TANC2: variants seen among roughly 807,000 people sequenced by gnomAD.
TANC2 encodes tetratricopeptide repeat, ankyrin repeat and coiled-coil containing 2.
In TANC2, 26 loss-of-function variants were observed where a neutral mutation model predicts 210.5. That is an observed-to-expected ratio of 0.12 (90% confidence interval 0.09 to 0.17). The LOEUF (loss-of-function observed/expected upper bound fraction) is 0.17, where lower values mean the gene tolerates loss of function less well. Ranked by LOEUF, TANC2 falls within the 10% of genes least tolerant of loss-of-function variation. The pLI is 1.00. For synonymous variants in TANC2, 931 were observed against 967.1 expected (o/e 0.96, Z 0.69); for missense variants, 2,129 against 2,608.9 (o/e 0.82, Z 4.01).
chr17:62,975,451 A>G (rs1023609121), intron 1 of TANC2, among the ~76,000 whole-genome samples: 3 of 152,160 alleles, frequency 2.0e-5, no homozygotes, highest in Admixed American at 6.5e-5. Context: ...GGCCTATGGA[A>G]TGAAGACTTA....
intron 5 of TANC2, among the ~76,000 whole-genome samples, chr17:63,160,304 C>G (rs2039983192): frequency 6.6e-6 from 1 of 152,270 alleles, no homozygotes; most frequent in East Asian, 1.9e-4. Context: ...CTTTGGGAAG[C>G]TGAGGTAGGA....
At chr17:63,334,934 C>T (rs541382849) in intron 11 of TANC2, among the ~76,000 whole-genome samples, 1 of 152,200 alleles carries the variant, frequency 6.6e-6, no homozygotes, top group African/African-American at 2.4e-5. Flanking sequence ...AGGCACATCA[C>T]ATGGCCAGAG....
chr17:63,044,600 A>G (rs28510567), intron 2 of TANC2, among the ~76,000 whole-genome samples: 81,254 of 151,858 alleles, frequency 0.54, 23,255 homozygotes, highest in African/African-American at 0.73. Flanking sequence ...TTTTCTAGGA[A>G]CTATACCTAG....
chr17:63,333,598 A>G lies in TANC2; in HGVS notation c.1576-6503A>G, dbSNP rs568339048. Among the ~76,000 whole-genome samples, 3 of 152,374 alleles carry G rather than the reference A, an allele frequency of 2.0e-5. No individual in the cohort carries two copies. The East Asian group carries it at 5.8e-4, about 29-fold the overall frequency. ...CAATAAGGGATTTAGAATATTACAT[A>G]TACTTCGTTGATAAAGTAGTGCCAG... On this transcript the variant is annotated intron_variant, in intron 11 of 27. Coordinates refer to ENST00000689528, the Ensembl canonical transcript of TANC2.
chr17:63,366,346 T>TAAA (rs1210950172), intron 14 of TANC2, among the ~76,000 whole-genome samples: 1 of 152,238 alleles, frequency 6.6e-6, no homozygotes, highest in African/African-American at 2.4e-5. Context: ...TTAGTGTTTT[T>TAAA]AACAGACACA....
chr17:63,166,601 G>T (rs1432472847), intron 5 of TANC2, among the ~76,000 whole-genome samples: 1 of 152,162 alleles, frequency 6.6e-6, no homozygotes, highest in Non-Finnish European at 1.5e-5. Context: ...TAAACTCACT[G>T]CCTTAGGTTT....
At chr17:63,383,917 C>T (rs947746095) in intron 15 of TANC2, among the ~76,000 whole-genome samples, 4 of 151,904 alleles carry the variant, frequency 2.6e-5, no homozygotes, top group African/African-American at 9.7e-5. Flanking sequence ...CTTTTCTTTT[C>T]CTGTTTGAAA....
Position 63,336,357 on chromosome 17 carries a change from T to C in TANC2, c.1576-3744T>C, listed in dbSNP as rs143379289. Among the ~76,000 whole-genome samples, 383 of 152,346 alleles carry C rather than the reference T, an allele frequency of 2.5e-3. 2 individuals carry two copies. The highest frequency in any genetic ancestry group is 8.8e-3 in the African/African-American group (364 of 41,584). On this transcript the variant is annotated intron_variant, in intron 11 of 27. Transcript: ENST00000689528. The stretch of plus-strand genomic sequence containing the variant: ...TCAGATATTCAAAGCTGCCTTCACT[T>C]TATGTGAGATTAGCTTAATTCTGTC...
chr17:63,317,924 A>C (rs977365390), intron 10 of TANC2, among the ~76,000 whole-genome samples: 1 of 152,258 alleles, frequency 6.6e-6, no homozygotes, highest in South Asian at 2.1e-4. Flanking sequence ...GGAAGTGAAC[A>C]GCAGAAATAA....
chr17:63,074,118 A>G (rs929155147), intron 3 of TANC2, 104 bp downstream of exon 3: 1 of 741,330 alleles, frequency 1.3e-6, no homozygotes, highest in Non-Finnish European at 2.0e-6. Context: ...TATAGTTTAG[A>G]TATTCTAGTT....
intron 2 of TANC2, among the ~76,000 whole-genome samples, chr17:63,017,128 A>G (rs976629199): frequency 2.0e-5 from 3 of 152,136 alleles, no homozygotes; most frequent in Admixed American, 6.5e-5. Flanking sequence ...GAAGGGTCCA[A>G]ATTCATTCTT....
At chr17:63,057,781 G>A (rs2035857228) in intron 2 of TANC2, among the ~76,000 whole-genome samples, 1 of 152,136 alleles carries the variant, frequency 6.6e-6, no homozygotes, top group Non-Finnish European at 1.5e-5. Flanking sequence ...TTTTATGGCT[G>A]CATAGTATTC....
At chr17:63,253,662 G>A (rs2146175327) in intron 8 of TANC2, among the ~76,000 whole-genome samples, 1 of 152,048 alleles carries the variant, frequency 6.6e-6, no homozygotes, top group East Asian at 1.9e-4. Flanking sequence ...ACCCAGGCTG[G>A]AATGCAGTGG....
At chr17:63,284,671 G>T (rs2044166552) in intron 9 of TANC2, among the ~76,000 whole-genome samples, 1 of 151,794 alleles carries the variant, frequency 6.6e-6, no homozygotes, top group Admixed American at 6.6e-5. Flanking sequence ...CCAAAATATA[G>T]TCTGTCTTCA....
intron 1 of TANC2, among the ~76,000 whole-genome samples, chr17:62,989,013 C>A (rs925828370): frequency 6.6e-6 from 1 of 152,186 alleles, no homozygotes; most frequent in African/African-American, 2.4e-5. Context: ...AAGTACTTGA[C>A]GAATATGTTT....
At chr17:63,361,841 C>T (rs1429053991) in intron 14 of TANC2, among the ~76,000 whole-genome samples, 2 of 152,232 alleles carry the variant, frequency 1.3e-5, no homozygotes, top group African/African-American at 4.8e-5. Flanking sequence ...AACAGAACAG[C>T]TCTCAAGAGA....
chr17:63,332,122 G>T, intron 11 of TANC2: 1 of 347,088 alleles, frequency 2.9e-6, no homozygotes, highest in South Asian at 2.6e-5. Flanking sequence ...GAGAATTTTT[G>T]AGCAGAAAAA....
chr17:63,358,194 A>G (rs1164693886), intron 14 of TANC2, among the ~76,000 whole-genome samples: 7 of 152,166 alleles, frequency 4.6e-5, no homozygotes, highest in South Asian at 2.1e-4. Context: ...GGTTAATGCT[A>G]CAGCTGAGAT....
intron 14 of TANC2, among the ~76,000 whole-genome samples, chr17:63,361,492 T>C (rs1308761633): frequency 6.6e-6 from 1 of 152,206 alleles, no homozygotes; most frequent in Non-Finnish European, 1.5e-5. Context: ...CATGTGAGGC[T>C]GCGGTTGTAC....
Sources: gnomAD v4.1 joint callset for allele counts (sites outside exome capture counted in the v4.1 genomes callset) on GRCh38, gnomAD v4.1.1 for gene constraint, MANE v1.5 for transcripts, NCBI Gene and HGNC (gene_info 2026-07-23, HGNC 2026-07-21) for gene names.